PEMT: variants seen among roughly 807,000 people sequenced by gnomAD.
The protein encoded by PEMT is phospholipid methyltransferase.
PEMT carries 23 observed loss-of-function variants against 27.4 expected under a neutral mutation model. The ratio of observed to expected loss-of-function variants is 0.84; its 90% CI spans 0.60 to 1.19. PEMT has a LOEUF of 1.19. Among genes scored for constraint, PEMT ranks in the 50% most tolerant of loss-of-function variants. The pLI is 0.00. For synonymous variants in PEMT, 137 were observed against 139.1 expected, an observed-to-expected ratio of 0.98 and a Z score of 0.11; for missense variants, 307 against 310.1, an observed-to-expected ratio of 0.99 and a Z score of 0.07.
intron 2 of PEMT, among the ~76,000 whole-genome samples, chr17:17,562,305 G>A (rs769829286): frequency 6.6e-6 from 1 of 152,222 alleles, no homozygotes; most frequent in Admixed American, 6.5e-5. Flanking sequence ...CAGGCACTGA[G>A]CTCACTGCAG....
At chr17:17,554,966 G>A (rs1206727657) in intron 2 of PEMT, among the ~76,000 whole-genome samples, 3 of 152,100 alleles carry the variant, frequency 2.0e-5, no homozygotes, top group Admixed American at 6.6e-5. Flanking sequence ...GGAGCACATA[G>A]CTACTCATTC....
At chr17:17,570,771 G>A in intron 2 of PEMT, 1 of 985,474 alleles carries the variant, frequency 1.0e-6, no homozygotes, top group Non-Finnish European at 1.2e-6. Context: ...CTAGAGAGGA[G>A]CAGTGGGGAG....
intron 6 of PEMT, 25 bp downstream of exon 6, chr17:17,506,202 C>T: frequency 6.6e-7 from 1 of 1,517,746 alleles, no homozygotes; most frequent in Non-Finnish European, 9.0e-7. Flanking sequence ...CAGCCACGCC[C>T]CCACCCGCCG....
At chr17:17,508,866 G>A in intron 5 of PEMT, 1 of 398,842 alleles carries the variant, frequency 2.5e-6, no homozygotes, top group Middle Eastern at 3.7e-4. Flanking sequence ...AGGGAGTTCT[G>A]TCAGCTGCGG....
intron 2 of PEMT, among the ~76,000 whole-genome samples, chr17:17,572,457 C>T (rs1380284839): frequency 2.0e-5 from 3 of 152,226 alleles, no homozygotes; most frequent in South Asian, 2.1e-4. Context: ...TTAAAACCTC[C>T]GAGGACACTC....
chr17:17,527,739 C>A (rs1054441742), intron 2 of PEMT, among the ~76,000 whole-genome samples: 1 of 152,210 alleles, frequency 6.6e-6, no homozygotes, highest in African/African-American at 2.4e-5. Context: ...GCCTGACAGG[C>A]CCCGGCAAAG....
In PEMT at chr17:17,548,103, C is replaced by T. The variant is rs1909387658; in HGVS notation, c.205-25708G>A. On this transcript the variant is annotated intron_variant, in intron 2 of 6. Coordinates refer to ENST00000255389, the MANE Select transcript of PEMT (RefSeq NM_148172.3). ...CCCGGGATACCCATTAGGTTCCAGCCTCCCTCGAGGGGAAGGAATGACTTC... is the reference window on the plus strand; with the variant it reads ...CCCGGGATACCCATTAGGTTCCAGCTTCCCTCGAGGGGAAGGAATGACTTC... Among the ~76,000 whole-genome samples the T allele has an allele frequency of 2.0e-5, 3 of 152,374 alleles. No individual in the cohort carries two copies. In the South Asian group the frequency reaches 6.2e-4, roughly 32 times the overall value.
intron 5 of PEMT, chr17:17,507,045 C>T: frequency 3.2e-6 from 3 of 927,952 alleles, no homozygotes; most frequent in Admixed American, 2.1e-5. Context: ...CAGCTCCTGA[C>T]CCCGCCACAC....
At chr17:17,564,215 T>G (rs1266663760) in intron 2 of PEMT, among the ~76,000 whole-genome samples, 5 of 152,140 alleles carry the variant, frequency 3.3e-5, no homozygotes, top group Non-Finnish European at 7.4e-5. Context: ...CCACAGTTGC[T>G]TCCCACCAAT....
intron 1 of PEMT, among the ~76,000 whole-genome samples, chr17:17,581,841 C>A (rs1450010334): frequency 6.6e-6 from 1 of 152,174 alleles, no homozygotes; most frequent in Non-Finnish European, 1.5e-5. Context: ...GAAAGAATGA[C>A]TAATGGTTCA....
At chr17:17,548,440 G>A (rs905417157) in intron 2 of PEMT, among the ~76,000 whole-genome samples, 1 of 152,226 alleles carries the variant, frequency 6.6e-6, no homozygotes. Context: ...GGCTGCACTG[G>A]AGATCATGTC....
At chr17:17,524,280 T>G (rs1254133059) in intron 2 of PEMT, among the ~76,000 whole-genome samples, 1 of 152,174 alleles carries the variant, frequency 6.6e-6, no homozygotes, top group African/African-American at 2.4e-5. Flanking sequence ...GTGTTTTCAG[T>G]GCTCTCAGGT....
At chr17:17,533,790 G>C (rs1185921913) in intron 2 of PEMT, among the ~76,000 whole-genome samples, 1 of 151,654 alleles carries the variant, frequency 6.6e-6, no homozygotes, top group Non-Finnish European at 1.5e-5. Context: ...GAGTGCAGTG[G>C]TGCGATCTCG....
At chr17:17,533,540 C>A (rs1908252812) in intron 2 of PEMT, among the ~76,000 whole-genome samples, 1 of 152,166 alleles carries the variant, frequency 6.6e-6, no homozygotes, top group African/African-American at 2.4e-5. Context: ...AATACAAAGA[C>A]AACCCACAGA....
Position 17,558,695 on chromosome 17 carries a change from A to AC in PEMT, c.204+18224_204+18225insG, listed in dbSNP as rs748288358. Among the ~76,000 whole-genome samples, 1,005 of 127,396 alleles carry AC rather than the reference A, an allele frequency of 7.9e-3. 17 individuals are homozygous for AC. The highest frequency in any genetic ancestry group is 9.5e-3 in the Non-Finnish European group (503 of 52,780). 83.6% of individuals were successfully genotyped at this position (127,396 alleles called of 152,430 possible). A position where few individuals can be genotyped will look rare whatever the true frequency, so the allele number is the denominator to read the frequency against. ...AACCAGTCTCACGAAAAAAAAAAAA[A>AC]AAAACAAAAAGAAAGGGCAGCAGAG... On this transcript the variant is annotated intron_variant, in intron 2 of 6. Transcript: ENST00000255389.
intron 1 of PEMT, among the ~76,000 whole-genome samples, chr17:17,584,696 T>C (rs1283569142): frequency 1.3e-5 from 2 of 152,254 alleles, no homozygotes; most frequent in Non-Finnish European, 2.9e-5. Context: ...ACACATTGTA[T>C]TTTGAAGACA....
At chr17:17,534,961 C>T (rs572257358) in intron 2 of PEMT, among the ~76,000 whole-genome samples, 6 of 151,866 alleles carry the variant, frequency 4.0e-5, no homozygotes, top group Non-Finnish European at 8.8e-5. Context: ...CGCTCTGTCA[C>T]CCAGGCTGGC....
At chr17:17,516,658 G>A (rs1432303248) in intron 3 of PEMT, among the ~76,000 whole-genome samples, 2 of 152,178 alleles carry the variant, frequency 1.3e-5, no homozygotes, top group Non-Finnish European at 1.5e-5. Flanking sequence ...GTGCTTTGGG[G>A]ATGGGGAGGG....
intron 2 of PEMT, among the ~76,000 whole-genome samples, chr17:17,545,246 G>A (rs1202747070): frequency 6.6e-6 from 1 of 152,184 alleles, no homozygotes; most frequent in African/African-American, 2.4e-5. Flanking sequence ...ACCTGTATAA[G>A]GACAAAGGAC....
Sources: allele counts gnomAD v4.1 joint callset (sites outside exome capture counted in the v4.1 genomes callset), GRCh38; gene constraint gnomAD v4.1.1; transcripts MANE v1.5; gene names NCBI Gene and HGNC (gene_info 2026-07-23, HGNC 2026-07-21).